C11orf65: variants seen among roughly 807,000 people sequenced by gnomAD.
The protein encoded by C11orf65 is protein MFI.
A neutral mutation model predicts 35.3 loss-of-function variants in C11orf65; 38 were observed. The observed-to-expected ratio is 1.08, with a 90% CI of 0.83 to 1.41. The LOEUF is 1.41. Among genes scored for constraint, C11orf65 ranks in the 40% most tolerant of loss-of-function variants. C11orf65 has a pLI of 0.00. For synonymous variants in C11orf65, 105 were observed against 114.4 expected (o/e 0.92, Z 0.53); for missense variants, 370 against 367.1 (o/e 1.01, Z -0.06).
chr11:108,377,247 C>G (rs1317199757), intron 2 of C11orf65, among the ~76,000 whole-genome samples: 1 of 152,188 alleles, frequency 6.6e-6, no homozygotes, highest in Admixed American at 6.5e-5. Context: ...TACTGGCAAA[C>G]TGAATCCAGC....
At chr11:108,447,052 A>G (rs1218072076) in intron 2 of C11orf65, among the ~76,000 whole-genome samples, 2 of 152,164 alleles carry the variant, frequency 1.3e-5, no homozygotes, top group African/African-American at 2.4e-5. Context: ...TTACGTAATG[A>G]TAAAGGGATC....
chr11:108,347,451 T>C, intron 2 of C11orf65: 1 of 1,113,818 alleles, frequency 9.0e-7, no homozygotes, highest in Non-Finnish European at 1.3e-6. Context: ...ATATTACAAA[T>C]ATAAGAGACA....
At chr11:108,365,585 A>G (rs2137938591) in intron 2 of C11orf65, 3 of 1,494,732 alleles carry the variant, frequency 2.0e-6, no homozygotes, top group Non-Finnish European at 1.8e-6. Flanking sequence ...CTGCCAACAT[A>G]CTTTAAGTAG....
downstream of C11orf65, among the ~76,000 whole-genome samples, chr11:108,378,479 T>C (rs11212598): frequency 0.44 from 45,585 of 104,164 alleles, 9,570 homozygotes; most frequent in Middle Eastern, 0.63. Flanking sequence ...CAAAAATTAA[T>C]TCAGGATGGA....
Position 108,383,083 on chromosome 11 carries a change from C to T in C11orf65, c.880G>A (p.Glu294Lys), listed in dbSNP as rs770791977. The T allele has an allele frequency of 2.5e-6, 4 of 1,611,680 alleles. No homozygotes were observed. The highest frequency in any genetic ancestry group is 3.4e-6 in the Non-Finnish European group (4 of 1,178,734). Residue 294 changes from glutamate to lysine, a missense_variant, in exon 9 of 9, where the codon GAA becomes AAA. Glu to Lys is a moderately conservative substitution (Grantham distance 56). Coordinates refer to ENST00000393084, the MANE Select transcript of C11orf65 (RefSeq NM_152587.5). ...QMGIPDDTYY[E>K]NVYQEPNVTR... ...ACATTTGGTTCTTGATAAACATTTT[C>T]ATAGTAAGTATCATCTGGTATTCCC...
At chr11:108,393,936 A>T (rs2138435068) in intron 6 of C11orf65, among the ~76,000 whole-genome samples, 1 of 152,250 alleles carries the variant, frequency 6.6e-6, no homozygotes, top group African/African-American at 2.4e-5. Context: ...TAATCACAGA[A>T]CTTGGGAGGC....
intron 2 of C11orf65, among the ~76,000 whole-genome samples, chr11:108,457,066 A>C (rs1336613438): frequency 6.6e-6 from 1 of 152,152 alleles, no homozygotes; most frequent in Non-Finnish European, 1.5e-5. Context: ...CTTTGTTCTC[A>C]TCATATATAA....
At chr11:108,406,670 T>C (rs921110536) in intron 5 of C11orf65, 93 bp downstream of exon 5, 2 of 864,230 alleles carry the variant, frequency 2.3e-6, no homozygotes, top group Non-Finnish European at 3.3e-6. Context: ...CTAGGATTTA[T>C]TATTTTAAAA....
At chr11:108,310,030 G>T (rs1336485013) in intron 6 of C11orf65, 1 of 873,688 alleles carries the variant, frequency 1.1e-6, no homozygotes, top group Non-Finnish European at 1.8e-6. Context: ...ATATATTGGG[G>T]AAATGTGGTT....
At chr11:108,401,042 G>A (rs1444026931) in intron 6 of C11orf65, among the ~76,000 whole-genome samples, 1 of 152,130 alleles carries the variant, frequency 6.6e-6, no homozygotes, top group East Asian at 1.9e-4. Flanking sequence ...CTGGGAGGCA[G>A]AGGTTGCAGT....
At chr11:108,352,608 C>A (rs2089346320) in intron 2 of C11orf65, among the ~76,000 whole-genome samples, 1 of 152,176 alleles carries the variant, frequency 6.6e-6, no homozygotes, top group South Asian at 2.1e-4. Flanking sequence ...CCATGTACTA[C>A]AAATGTGTAT....
chr11:108,376,298 A>C (rs1020347643), intron 2 of C11orf65, among the ~76,000 whole-genome samples: 26 of 151,986 alleles, frequency 1.7e-4, no homozygotes, highest in Middle Eastern at 6.8e-3. Flanking sequence ...ACCACAGTGC[A>C]ATCAAACTAG....
intron 2 of C11orf65, among the ~76,000 whole-genome samples, chr11:108,361,746 T>G (rs2090787856): frequency 6.6e-6 from 1 of 151,792 alleles, no homozygotes; most frequent in Admixed American, 6.6e-5. Context: ...GCTAGCCATA[T>G]GGAGAAAGCT....
intron 2 of C11orf65, chr11:108,347,498 T>C: frequency 1.3e-6 from 1 of 752,046 alleles, no homozygotes; most frequent in Non-Finnish European, 2.2e-6. Context: ...TTTTTTTGTT[T>C]TCAGCATAAA....
At chr11:108,444,925 C>T (rs147633383) in intron 2 of C11orf65, among the ~76,000 whole-genome samples, 1,541 of 152,270 alleles carry the variant, frequency 0.01, 31 homozygotes, top group African/African-American at 0.034. Context: ...ACTTTTGCAA[C>T]GGGCTTAAAA....
intron 6 of C11orf65, among the ~76,000 whole-genome samples, chr11:108,404,709 G>A (rs977778453): frequency 3.3e-5 from 5 of 151,890 alleles, no homozygotes; most frequent in African/African-American, 7.3e-5. Context: ...GATTACAGGC[G>A]TGAGCCACCG....
chr11:108,401,383 A>G (rs2092436057), intron 6 of C11orf65, among the ~76,000 whole-genome samples: 2 of 152,174 alleles, frequency 1.3e-5, no homozygotes, highest in South Asian at 2.1e-4. Context: ...CCCCCTAAGA[A>G]GGAGAAAGAG....
rs767533596 is a variant in C11orf65 at position 108,345,757 on chromosome 11, GTC to G, written c.227-10467_227-10466del. ...TCTATTTAAAGGAGGTGCAAAAAAA[GTC>G]TTTTGAAGAGAAATATGAAGTCTTC... On this transcript the variant is annotated intron_variant, in intron 2 of 3. Coordinates refer to the C11orf65 transcript ENST00000524755. 1.2e-6 allele frequency: 2 copies of G among 1,611,248 alleles called. No homozygotes were observed. The highest frequency in any genetic ancestry group is 4.5e-5 in the East Asian group (2 of 44,784).
chr11:108,357,035 A>AGCTG (rs1425852982), intron 2 of C11orf65, among the ~76,000 whole-genome samples: 1 of 152,218 alleles, frequency 6.6e-6, no homozygotes, highest in African/African-American at 2.4e-5. Context: ...CTGAGGTACC[A>AGCTG]GGTTCATCTC....
Sources: allele counts gnomAD v4.1 joint callset (sites outside exome capture counted in the v4.1 genomes callset), GRCh38; gene constraint gnomAD v4.1.1; transcripts MANE v1.5; gene names NCBI Gene and HGNC (gene_info 2026-07-23, HGNC 2026-07-21).